Variants in DOCK8 observed in about 807,000 individuals in gnomAD.
DOCK8 encodes dedicator of cytokinesis protein 8.
DOCK8 carries 141 observed loss-of-function variants against 245.6 expected under a neutral mutation model. The observed-to-expected ratio is 0.57, with a 90% confidence interval of 0.50 to 0.66. The LOEUF (loss-of-function observed/expected upper bound fraction) is 0.66, where lower values mean the gene tolerates loss of function less well. Among genes scored for constraint, DOCK8 ranks in the 30% least tolerant of loss-of-function variants. The probability of loss-of-function intolerance (pLI) is 0.00; values close to 1 mark genes in which losing one functional copy is unlikely to be tolerated. For missense variants in DOCK8, 2,965 were observed against 2,603.4 expected (o/e 1.14, Z -3.02); for synonymous variants, 1,168 against 970.2 (o/e 1.20, Z -3.79).
intron 2 of DOCK8, among the ~76,000 whole-genome samples, chr9:281,984 C>G (rs2048607674): frequency 6.6e-6 from 1 of 152,160 alleles, no homozygotes; most frequent in Admixed American, 6.5e-5. Flanking sequence ...CTTACCAGCT[C>G]TTCAGTACTG....
rs777683550 is a variant in DOCK8 at position 449,941 on chromosome 9, G to C, written c.5961+14G>C. 7.4e-6 allele frequency: 12 copies of C among 1,613,434 alleles called. No homozygotes were observed. Among genetic ancestry groups the C allele is most frequent in the Non-Finnish European group, 9.3e-6 (11 of 1,179,932 alleles). On this transcript the variant is annotated intron_variant, in intron 45 of 47. Transcript: ENST00000432829. The stretch of plus-strand genomic sequence containing the variant: ...ACTGTAAATCAGGTAAGCAAAACCA[G>C]AGGTGGCAGCTCCTCTGGTTCTTAT...
At chr9:433,668 G>A (rs2056795559) in intron 37 of DOCK8, among the ~76,000 whole-genome samples, 1 of 152,180 alleles carries the variant, frequency 6.6e-6, no homozygotes, top group Non-Finnish European at 1.5e-5. Flanking sequence ...TGGATCTCAA[G>A]GGCCAACACA....
At chr9:382,737 A>G in intron 22 of DOCK8, 52 bp downstream of exon 22, 1 of 1,597,866 alleles carries the variant, frequency 6.3e-7, no homozygotes, top group Non-Finnish European at 8.5e-7. Context: ...TTATTTTTTA[A>G]CTAAAACTTG....
chr9:259,049 A>G (rs557756853), intron 1 of DOCK8, among the ~76,000 whole-genome samples: 3 of 152,090 alleles, frequency 2.0e-5, no homozygotes, highest in East Asian at 1.9e-4. Flanking sequence ...GTTCATGCCT[A>G]TAATCCCAGC....
intron 6 of DOCK8, chr9:312,437 C>T (rs1189788903): frequency 1.7e-6 from 1 of 579,656 alleles, no homozygotes. Flanking sequence ...TCATTTAATC[C>T]CCAAATGTTT....
At chr9:401,580 A>G (rs1284167142) in intron 26 of DOCK8, among the ~76,000 whole-genome samples, 1 of 152,184 alleles carries the variant, frequency 6.6e-6, no homozygotes, top group Non-Finnish European at 1.5e-5. Context: ...GGAGGCAGGC[A>G]CTAAATGGAT....
Position 302,938 on chromosome 9 carries a change from T to G in DOCK8, c.405-1643T>G, listed in dbSNP as rs1011260498. On this transcript the variant is annotated intron_variant, in intron 4 of 47. Transcript: ENST00000432829. ...AAGCCAGGAGGTTGAGACCAGCCTG[T>G]GCAATGTAGCAAGACTGTGTCTCTA... 2.4e-4 allele frequency among the ~76,000 whole-genome samples: 36 copies of G among 151,078 alleles called. 1 individual carries two copies. The highest frequency in any genetic ancestry group is 8.0e-4 in the African/African-American group (33 of 41,102).
intron 1 of DOCK8, among the ~76,000 whole-genome samples, chr9:222,246 G>T (rs1290531524): frequency 6.6e-6 from 1 of 151,870 alleles, no homozygotes; most frequent in South Asian, 2.1e-4. Flanking sequence ...CTGGGCCACA[G>T]AGTGAAACCC....
At chr9:348,552 C>T (rs776337054) in intron 14 of DOCK8, among the ~76,000 whole-genome samples, 6 of 152,176 alleles carry the variant, frequency 3.9e-5, no homozygotes, top group Non-Finnish European at 8.8e-5. Context: ...CCTGTTTCTA[C>T]ATGAGTTGCC....
rs751313136 is a variant in DOCK8 at position 451,992 on chromosome 9, TTTTTTTTTTTC to T, written c.5962-18_5962-8del. ...ATATATATATATTTTTTTTTTTTTT[TTTTTTTTTTTC>T]CCACCAGGGACCACTGGAAGTAGCC... On this transcript the variant is annotated splice_polypyrimidine_tract_variant and splice_region_variant and intron_variant, in intron 45 of 47. Coordinates refer to ENST00000432829, the MANE Select transcript of DOCK8 (RefSeq NM_203447.4). The T allele has an allele frequency of 4.0e-5, 27 of 679,754 alleles. No homozygotes were observed. The highest frequency in any genetic ancestry group is 4.7e-5 in the Non-Finnish European group (21 of 447,260). 42.1% of individuals were successfully genotyped at this position (679,754 alleles called of 1,614,324 possible).
intron 33 of DOCK8, among the ~76,000 whole-genome samples, chr9:423,778 C>G (rs544009558): frequency 6.6e-6 from 1 of 152,128 alleles, no homozygotes; most frequent in Non-Finnish European, 1.5e-5. Flanking sequence ...ACAACAACTA[C>G]AAAATATGCA....
intron 5 of DOCK8, among the ~76,000 whole-genome samples, chr9:311,710 G>T (rs544563136): frequency 6.6e-6 from 1 of 152,190 alleles, no homozygotes; most frequent in Non-Finnish European, 1.5e-5. Flanking sequence ...CTCAGGACTG[G>T]TTTGTCTGCA....
At chr9:365,370 A>G (rs560033324) in intron 14 of DOCK8, among the ~76,000 whole-genome samples, 1 of 152,280 alleles carries the variant, frequency 6.6e-6, no homozygotes, top group Admixed American at 6.5e-5. Context: ...AATAACTATC[A>G]TGTATGTTTT....
chr9:361,847 C>T (rs917435259), intron 14 of DOCK8, among the ~76,000 whole-genome samples: 6 of 152,152 alleles, frequency 3.9e-5, no homozygotes, highest in African/African-American at 9.7e-5. Context: ...ACATCATTTT[C>T]TAGCTGCTAA....
intron 18 of DOCK8, 53 bp downstream of exon 18, chr9:372,339 C>G (rs893107824): frequency 7.1e-7 from 1 of 1,402,044 alleles, no homozygotes; most frequent in Non-Finnish European, 1.0e-6. Context: ...AGTCTTGGAC[C>G]ACCTTCCCAG....
At chr9:244,118 G>C (rs1227234069) in intron 1 of DOCK8, among the ~76,000 whole-genome samples, 1 of 151,216 alleles carries the variant, frequency 6.6e-6, no homozygotes, top group African/African-American at 2.4e-5. Flanking sequence ...AACCCGGGAG[G>C]TGGAGCTTGC....
chr9:288,081 TAAGG>T (rs906583861), intron 3 of DOCK8, among the ~76,000 whole-genome samples: 17 of 151,622 alleles, frequency 1.1e-4, no homozygotes, highest in Admixed American at 5.9e-4. Context: ...TGAAATTTGA[TAAGG>T]AAGATAATTT....
chr9:269,258 T>C lies in DOCK8; in HGVS notation c.54-2369T>C, dbSNP rs117892025. Among the ~76,000 whole-genome samples, 568 of 152,308 alleles carry C rather than the reference T, an allele frequency of 3.7e-3. 4 individuals are homozygous for C. The highest frequency in any genetic ancestry group is 6.8e-3 in the Non-Finnish European group (464 of 68,036). On this transcript the variant is annotated intron_variant, in intron 1 of 47. Transcript: ENST00000432829. ...TAGGTGACCACAAATCTACTTTCTG[T>C]CTGTATAGATTTTGCAATTCTGGGC...
At chr9:297,849 AAC>A (rs546772204) in intron 4 of DOCK8, among the ~76,000 whole-genome samples, 84 of 152,342 alleles carry the variant, frequency 5.5e-4, no homozygotes, top group Admixed American at 2.6e-3. Flanking sequence ...TCTGGTTTCA[AAC>A]ACACAGTCAT....
Sources: allele counts gnomAD v4.1 joint callset (sites outside exome capture counted in the v4.1 genomes callset), GRCh38; gene constraint gnomAD v4.1.1; transcripts MANE v1.5; gene names NCBI Gene and HGNC (gene_info 2026-07-23, HGNC 2026-07-21).